Variants in CPNE8 observed in about 807,000 individuals in gnomAD.
CPNE8 encodes copine-8.
Under a neutral mutation model 81.5 loss-of-function variants are expected in CPNE8, and 45 were observed. The ratio of observed to expected loss-of-function variants is 0.55; its 90% CI spans 0.44 to 0.71. CPNE8 has a LOEUF of 0.71. Ranked by LOEUF, CPNE8 falls within the 30% of genes least tolerant of loss-of-function variation. The pLI is 0.00. For synonymous variants in CPNE8, 252 were observed against 226.3 expected (o/e 1.11, Z -1.02); for missense variants, 594 against 672.1 (o/e 0.88, Z 1.28).
chr12:38,821,744 A>C (rs1026482122), intron 6 of CPNE8, among the ~76,000 whole-genome samples: 1 of 152,222 alleles, frequency 6.6e-6, no homozygotes, highest in Admixed American at 6.5e-5. Flanking sequence ...AGAGCAGAGA[A>C]TCATGGGAAT....
intron 19 of CPNE8, among the ~76,000 whole-genome samples, chr12:38,658,731 T>C (rs1005396096): frequency 6.6e-6 from 1 of 151,894 alleles, no homozygotes; most frequent in African/African-American, 2.4e-5. Context: ...CAGAAGAGAG[T>C]GGGGACCAAT....
intron 19 of CPNE8, among the ~76,000 whole-genome samples, chr12:38,660,126 T>C (rs938764849): frequency 2.0e-5 from 3 of 152,196 alleles, no homozygotes; most frequent in Non-Finnish European, 2.9e-5. Context: ...TTAAAGTTCC[T>C]ATGGAACCAA....
chr12:38,685,497 C>A lies in CPNE8; in HGVS notation c.1264G>T (p.Val422Leu), dbSNP rs757164412. 1 of 1,612,968 alleles carries A rather than the reference C, an allele frequency of 6.2e-7. No individual in the cohort carries two copies. The highest frequency in any genetic ancestry group is 1.1e-5 in the South Asian group (1 of 91,002). The change falls in exon 16 of 20, where the codon GTA (valine) becomes TTA (leucine). Residue 422 changes from valine (V) to leucine (L), a missense_variant. Physicochemically the swap from Val to Leu is conservative, Grantham distance 32 (BLOSUM62 1). Coordinates refer to ENST00000331366, the MANE Select transcript of CPNE8 (RefSeq NM_153634.3). ...PTNFAPVINH[V>L]ARYASSVKDG... Reference sequence around the variant, plus strand: ...TGTCTACTCTCTACTTACCTTGCTACATGATTAATTACAGGAGCAAAGTTG... The same window carrying A: ...TGTCTACTCTCTACTTACCTTGCTAAATGATTAATTACAGGAGCAAAGTTG...
At chr12:38,864,701 G>A (rs771178036) in intron 3 of CPNE8, among the ~76,000 whole-genome samples, 4 of 152,036 alleles carry the variant, frequency 2.6e-5, no homozygotes, top group Non-Finnish European at 4.4e-5. Context: ...TAATCCCAGA[G>A]GAACTGTAGG....
At chr12:38,805,678 A>T (rs1358965276) in intron 6 of CPNE8, among the ~76,000 whole-genome samples, 1 of 7,786 alleles carries the variant, frequency 1.3e-4, no homozygotes, top group Non-Finnish European at 1.4e-3. Context: ...AAAAAACATT[A>T]AAAAAAAAAA....
chr12:38,653,637 G>C lies in CPNE8; in HGVS notation c.*245C>G. 1 of 101,362 alleles carries C rather than the reference G, an allele frequency of 9.9e-6. No individual in the cohort carries two copies. Among genetic ancestry groups the C allele is most frequent in the Non-Finnish European group, 2.5e-5 (1 of 40,470 alleles). The allele number at this position is 101,362 out of a possible 1,614,324, so 6.3% of individuals were successfully genotyped here. A position where few individuals can be genotyped will look rare whatever the true frequency, so the allele number is the denominator to read the frequency against. ...TCTGTTAAAAAAAAAAAGAAAGAAA[G>C]ATTTAGAGAAGACATCCATACTTTG... On this transcript the variant is annotated 3_prime_UTR_variant, in exon 20 of 20. Transcript: ENST00000331366.
chr12:38,750,520 C>T (rs1941334935), intron 10 of CPNE8, among the ~76,000 whole-genome samples: 1 of 152,208 alleles, frequency 6.6e-6, no homozygotes, highest in Non-Finnish European at 1.5e-5. Flanking sequence ...GAACCCACCT[C>T]TTATATTAGT....
intron 6 of CPNE8, among the ~76,000 whole-genome samples, chr12:38,782,501 G>C (rs924959949): frequency 3.3e-5 from 5 of 152,032 alleles, no homozygotes; most frequent in African/African-American, 4.8e-5. Flanking sequence ...CAAGTATTTA[G>C]AGGAAAGAGG....
chr12:38,879,637 T>TA lies in CPNE8; in HGVS notation c.99-5127dup, dbSNP rs540007290. Among the ~76,000 whole-genome samples the TA allele has an allele frequency of 1.6e-4, 25 of 152,234 alleles. No individual in the cohort carries two copies. The East Asian group carries it at 4.8e-3, about 29-fold the overall frequency. Reference sequence around the variant, plus strand: ...TACTCACTCTTTCCTGCTCAGCAGATAAAATCACCTAATAAATATTCTTGT... The same window carrying TA: ...TACTCACTCTTTCCTGCTCAGCAGATAAAAATCACCTAATAAATATTCTTGT... On this transcript the variant is annotated intron_variant, in intron 1 of 19. Coordinates refer to ENST00000331366, the MANE Select transcript of CPNE8 (RefSeq NM_153634.3).
At chr12:38,660,757 C>A (rs1244786356) in intron 19 of CPNE8, among the ~76,000 whole-genome samples, 2 of 152,004 alleles carry the variant, frequency 1.3e-5, no homozygotes, top group African/African-American at 2.4e-5. Context: ...AGCACTTAAA[C>A]AAATTTATAA....
Position 38,839,948 on chromosome 12 carries a change from C to T in CPNE8, c.298G>A (p.Val100Ile). The T allele has an allele frequency of 6.3e-7, 1 of 1,579,448 alleles. No homozygotes were observed. The highest frequency in any genetic ancestry group is 2.3e-5 in the East Asian group (1 of 44,364). Residue 100 changes from valine to isoleucine, a missense_variant, in exon 5 of 20, where the codon GTT becomes ATT. Transcript: ENST00000331366. ...GATAAGTTGGGGCTCTTTGAATCAA[C>T]ATCATACCTAAAAGATTGAAATATA... ...RENLRFDLYD[V>I]DSKSPNLSKH... is the part of the protein sequence containing the mutation.
chr12:38,693,868 A>T, intron 14 of CPNE8, 30 bp from the exon 15 acceptor site: 1 of 1,543,704 alleles, frequency 6.5e-7, no homozygotes, highest in East Asian at 2.3e-5. Flanking sequence ...TTCAAACATA[A>T]GCAATTAGGG....
chr12:38,785,008 A>C (rs1167377922), intron 6 of CPNE8, among the ~76,000 whole-genome samples: 3 of 152,166 alleles, frequency 2.0e-5, no homozygotes, highest in African/African-American at 7.2e-5. Context: ...CAGCCTGGCC[A>C]ACATGGTGAA....
At chr12:38,671,008 C>A in intron 18 of CPNE8, 1 of 485,304 alleles carries the variant, frequency 2.1e-6, no homozygotes, top group Non-Finnish European at 3.6e-6. Flanking sequence ...GAACCAAGAT[C>A]TTTTGTGACT....
chr12:38,778,437 C>T (rs1941980419), intron 6 of CPNE8, among the ~76,000 whole-genome samples: 1 of 152,192 alleles, frequency 6.6e-6, no homozygotes, highest in East Asian at 1.9e-4. Flanking sequence ...CTATGGGTTT[C>T]ACTGTTCCCT....
Position 38,848,609 on chromosome 12 carries a change from C to T in CPNE8, c.240G>A (p.Lys80=), listed in dbSNP as rs1188048586. ...DNTLNPDFVR[K]FILDYFFEER... ...CTTCAAAAAAGTAGTCCAGAATAAA[C>T]TTTCTTACAAAATCAGGATTTAAAG... The change falls in exon 4 of 20, where the codon AAG becomes AAA. Residue 80 remains lysine, a synonymous_variant. Coordinates refer to ENST00000331366, the MANE Select transcript of CPNE8 (RefSeq NM_153634.3). 6.3e-7 allele frequency: 1 copy of T among 1,595,744 alleles called. No homozygotes were observed. The highest frequency in any genetic ancestry group is 2.2e-5 in the East Asian group (1 of 44,456).
intron 7 of CPNE8, among the ~76,000 whole-genome samples, chr12:38,771,646 A>T (rs907597181): frequency 6.6e-6 from 1 of 152,200 alleles, no homozygotes; most frequent in Non-Finnish European, 1.5e-5. Context: ...TGACCTATAC[A>T]TCCCTTAAAT....
At chr12:38,779,688 T>C (rs1035214224) in intron 6 of CPNE8, among the ~76,000 whole-genome samples, 2 of 151,994 alleles carry the variant, frequency 1.3e-5, no homozygotes, top group African/African-American at 4.8e-5. Context: ...TCTCAAAATA[T>C]CTCACATTTA....
At chr12:38,811,270 A>C (rs887220936) in intron 6 of CPNE8, among the ~76,000 whole-genome samples, 1 of 151,708 alleles carries the variant, frequency 6.6e-6, no homozygotes, top group African/African-American at 2.4e-5. Flanking sequence ...ATGTTAGGTA[A>C]ATCTGTTTAT....
Sources: allele counts gnomAD v4.1 joint callset (sites outside exome capture counted in the v4.1 genomes callset), GRCh38; gene constraint gnomAD v4.1.1; transcripts MANE v1.5; gene names NCBI Gene and HGNC (gene_info 2026-07-23, HGNC 2026-07-21).